Variants in ABCA12 observed in about 807,000 individuals in gnomAD.
ABCA12 encodes ATP binding cassette subfamily A member 12, also known as glucosylceramide transporter ABCA12.
Under a neutral mutation model 293.5 loss-of-function variants are expected in ABCA12, and 156 were observed. The ratio of observed to expected loss-of-function variants is 0.53; its 90% CI spans 0.47 to 0.61. The LOEUF (loss-of-function observed/expected upper bound fraction) is 0.61, where lower values mean the gene tolerates loss of function less well. ABCA12 is among the 20% of genes least tolerant of loss of function. The pLI is 0.00. For synonymous variants in ABCA12, 1,063 were observed against 1,108.0 expected (o/e 0.96, Z 0.81); for missense variants, 2,797 against 3,090.2 (o/e 0.91, Z 2.25).
intron 13 of ABCA12, among the ~76,000 whole-genome samples, chr2:215,018,433 A>T (rs1700553605): frequency 6.6e-6 from 1 of 152,216 alleles, no homozygotes; most frequent in Admixed American, 6.5e-5. Context: ...TTTTGATCAC[A>T]TAATGCACTA....
intron 2 of ABCA12, among the ~76,000 whole-genome samples, chr2:215,098,885 C>T (rs1702297147): frequency 6.6e-6 from 1 of 152,226 alleles, no homozygotes; most frequent in South Asian, 2.1e-4. Flanking sequence ...TGGCCCAAAG[C>T]AGATAAGGAC....
At chr2:215,136,970 G>C (rs1559215847) in intron 1 of ABCA12, among the ~76,000 whole-genome samples, 1 of 151,880 alleles carries the variant, frequency 6.6e-6, no homozygotes, top group African/African-American at 2.4e-5. Context: ...ACACACCCAG[G>C]ATCCTTTCCC....
intron 19 of ABCA12, among the ~76,000 whole-genome samples, chr2:215,005,694 T>C (rs1045846080): frequency 6.6e-6 from 1 of 152,198 alleles, no homozygotes; most frequent in Non-Finnish European, 1.5e-5. Flanking sequence ...AATTCTCCCA[T>C]CACTCCTTTT....
chr2:215,025,894 T>C (rs977024698), intron 10 of ABCA12, 115 bp from the exon 11 acceptor site: 1 of 698,374 alleles, frequency 1.4e-6, no homozygotes, highest in Admixed American at 2.3e-5. Context: ...GATAATAGCC[T>C]ACCTCAATAC....
chr2:215,131,773 G>C (rs6717490), intron 1 of ABCA12, among the ~76,000 whole-genome samples: 5,704 of 104,910 alleles, frequency 0.054, 388 homozygotes, highest in African/African-American at 0.17. Context: ...CTTTTCTTCT[G>C]ATAGCTTTTA....
intron 3 of ABCA12, among the ~76,000 whole-genome samples, chr2:215,056,556 T>G (rs1254873041): frequency 9.9e-5 from 15 of 152,064 alleles, no homozygotes; most frequent in Non-Finnish European, 2.1e-4. Flanking sequence ...ATATCATGTG[T>G]GCTTTCCTCT....
At chr2:215,138,091 C>A in intron 1 of ABCA12, 49 bp downstream of exon 1, 1 of 1,530,622 alleles carries the variant, frequency 6.5e-7, no homozygotes, top group Non-Finnish European at 9.1e-7. Flanking sequence ...TTAGGATTAC[C>A]TGGCGTATTG....
chr2:214,940,641 TC>T, intron 50 of ABCA12, among the ~76,000 whole-genome samples: 1 of 152,212 alleles, frequency 6.6e-6, no homozygotes, highest in Non-Finnish European at 1.5e-5. Flanking sequence ...TGCCTCAATA[TC>T]AGAACTTGTT....
At chr2:215,095,218 T>A (rs1702226403) in intron 2 of ABCA12, among the ~76,000 whole-genome samples, 1 of 152,106 alleles carries the variant, frequency 6.6e-6, no homozygotes, top group Non-Finnish European at 1.5e-5. Flanking sequence ...GCCTAGTATA[T>A]AACAACATAA....
At position 214,978,859 on chromosome 2, in the gene ABCA12, C is replaced by A; in HGVS notation, c.4922G>T (p.Gly1641Val). ...YLSLLRALDN[G>V]MGDLNIGCYG... ...GCACCCGATGTTGAGGTCACCCATG[C>A]CATTGTCGAGTGCCCGTAGGAGTGA... The change falls in exon 32 of 53, where the codon GGC (glycine) becomes GTC (valine). Residue 1641 changes from glycine (G) to valine (V), a missense_variant. Coordinates refer to ENST00000272895, the MANE Select transcript of ABCA12 (RefSeq NM_173076.3). 1 of 1,614,014 alleles carries A rather than the reference C, an allele frequency of 6.2e-7. No homozygotes were observed. The highest frequency in any genetic ancestry group is 8.5e-7 in the Non-Finnish European group (1 of 1,179,970).
intron 2 of ABCA12, among the ~76,000 whole-genome samples, chr2:215,071,569 T>C (rs1701739320): frequency 6.6e-6 from 1 of 152,218 alleles, no homozygotes; most frequent in Non-Finnish European, 1.5e-5. Context: ...CTAGTTTTGC[T>C]GTTGAATCAC....
At chr2:214,991,597 T>C (rs1327348636) in intron 23 of ABCA12, among the ~76,000 whole-genome samples, 1 of 152,214 alleles carries the variant, frequency 6.6e-6, no homozygotes, top group African/African-American at 2.4e-5. Context: ...ACCTCCTGCC[T>C]TTAGCTATAG....
In ABCA12 at chr2:214,948,572, GTAATTTTTCA is replaced by G; in HGVS notation, c.7104+14_7104+23del. Reference sequence around the variant, plus strand: ...AGAAACAATAATGGTTTCAAATTAAGTAATTTTTCACACTTGTACTCACTTCTTTAATATC... The same window carrying G: ...AGAAACAATAATGGTTTCAAATTAAGCACTTGTACTCACTTCTTTAATATC... On this transcript the variant is annotated intron_variant, in intron 47 of 52. Coordinates refer to ENST00000272895, the MANE Select transcript of ABCA12 (RefSeq NM_173076.3). 1 of 1,612,984 alleles carries G rather than the reference GTAATTTTTCA, an allele frequency of 6.2e-7. No individual in the cohort carries two copies. The highest frequency in any genetic ancestry group is 8.5e-7 in the Non-Finnish European group (1 of 1,179,160).
Position 214,980,464 on chromosome 2 carries a change from T to C in ABCA12, c.4740+19A>G, listed in dbSNP as rs371703248. On this transcript the variant is annotated intron_variant, in intron 31 of 52. Coordinates refer to ENST00000272895, the MANE Select transcript of ABCA12 (RefSeq NM_173076.3). ...TAATTTATGGTGCCATAATGAGATATATTTTCTCCCATTCCTACCTTCTTC... is the reference window on the plus strand; with the variant it reads ...TAATTTATGGTGCCATAATGAGATACATTTTCTCCCATTCCTACCTTCTTC... The C allele has an allele frequency of 4.6e-4, 737 of 1,612,734 alleles. 11 individuals carry two copies. The South Asian group carries it at 5.3e-3, about 12-fold the overall frequency.
At chr2:215,009,162 A>G (rs952178977) in intron 18 of ABCA12, among the ~76,000 whole-genome samples, 5 of 152,184 alleles carry the variant, frequency 3.3e-5, no homozygotes, top group Non-Finnish European at 7.3e-5. Flanking sequence ...GAATGAGAGC[A>G]TGCCCTTTGC....
chr2:215,017,754 G>C, intron 14 of ABCA12: 1 of 449,682 alleles, frequency 2.2e-6, no homozygotes, highest in Non-Finnish European at 4.0e-6. Flanking sequence ...CTGGGGGTAA[G>C]GAAAAGGAAA....
intron 2 of ABCA12, among the ~76,000 whole-genome samples, chr2:215,065,195 A>G (rs1701617359): frequency 6.7e-6 from 1 of 149,940 alleles, no homozygotes; most frequent in Non-Finnish European, 1.5e-5. Context: ...AAAACACTAG[A>G]TTTCTTCCTT....
rs763139959 is a variant in ABCA12, at chr2:214,954,030, A to T, written c.6471T>A (p.Ile2157=). ...GGACCGACTGTTGTTGAGAAAGTTC[A>T]ATCAAACCGTAGCCAAAACAGAATT... is the stretch of plus-strand genomic sequence containing the variant. ...FPQFCFGYGL[I]ELSQQQSVLD... The change falls in exon 44 of 53, where the codon ATT becomes ATA. Residue 2157 remains isoleucine (I), a synonymous_variant. Transcript: ENST00000272895. 4.3e-6 allele frequency: 7 copies of T among 1,614,096 alleles called. No homozygotes were observed. The highest frequency in any genetic ancestry group is 5.9e-6 in the Non-Finnish European group (7 of 1,179,986).
intron 9 of ABCA12, among the ~76,000 whole-genome samples, chr2:215,031,131 C>G (rs937936420): frequency 4.6e-5 from 7 of 152,166 alleles, no homozygotes; most frequent in African/African-American, 1.7e-4. Context: ...GGTCTTTAGA[C>G]AGCATGGTTG....
Sources: allele counts gnomAD v4.1 joint callset (sites outside exome capture counted in the v4.1 genomes callset), GRCh38; gene constraint gnomAD v4.1.1; transcripts MANE v1.5; gene names NCBI Gene and HGNC (gene_info 2026-07-23, HGNC 2026-07-21).